Variants in ROBO2 observed in about 807,000 individuals in gnomAD.
ROBO2 encodes the protein roundabout homolog 2.
Under a neutral mutation model 160.8 loss-of-function variants are expected in ROBO2, and 53 were observed. The observed-to-expected ratio is 0.33, with a 90% confidence interval of 0.26 to 0.41. ROBO2 has a LOEUF of 0.41. Among genes scored for constraint, ROBO2 ranks in the 10% least tolerant of loss-of-function variants. ROBO2 has a pLI of 1.00. For synonymous variants in ROBO2, 664 were observed against 611.7 expected (o/e 1.09, Z -1.26); for missense variants, 1,577 against 1,722.4 (o/e 0.92, Z 1.49).
intron 2 of ROBO2, among the ~76,000 whole-genome samples, chr3:76,582,344 G>A (rs1444707709): frequency 6.6e-6 from 1 of 152,070 alleles, no homozygotes; most frequent in Admixed American, 6.6e-5. Flanking sequence ...ATGAAAGGAT[G>A]TATATTCAGG....
At chr3:76,867,034 A>G (rs780673879) in intron 2 of ROBO2, among the ~76,000 whole-genome samples, 12 of 152,170 alleles carry the variant, frequency 7.9e-5, no homozygotes, top group Non-Finnish European at 1.3e-4. Flanking sequence ...ATTTTAACTC[A>G]AAAGCATGAC....
chr3:75,988,694 C>T (rs1041171131), intron 2 of ROBO2, among the ~76,000 whole-genome samples: 1 of 151,900 alleles, frequency 6.6e-6, no homozygotes, highest in Non-Finnish European at 1.5e-5. Context: ...TTTTATTCAT[C>T]TCCAAGTATT....
intron 2 of ROBO2, among the ~76,000 whole-genome samples, chr3:77,233,848 G>A (rs2087565271): frequency 1.3e-5 from 2 of 152,074 alleles, no homozygotes; most frequent in Admixed American, 1.3e-4. Flanking sequence ...TGCTTCTAAT[G>A]TCTACATAAA....
At chr3:76,713,245 A>G (rs1195465311) in intron 2 of ROBO2, among the ~76,000 whole-genome samples, 1 of 152,184 alleles carries the variant, frequency 6.6e-6, no homozygotes, top group Non-Finnish European at 1.5e-5. Flanking sequence ...TCTTTATGCC[A>G]TTTTAAATTT....
intron 2 of ROBO2, among the ~76,000 whole-genome samples, chr3:76,670,067 A>G (rs2092205667): frequency 6.6e-6 from 1 of 152,324 alleles, no homozygotes; most frequent in Non-Finnish European, 1.5e-5. Context: ...TTGAAGCTAC[A>G]TGGTTTATGA....
chr3:76,885,949 G>A (rs2073839004), intron 2 of ROBO2, among the ~76,000 whole-genome samples: 1 of 152,104 alleles, frequency 6.6e-6, no homozygotes, highest in African/African-American at 2.4e-5. Context: ...GAGCGGGGGA[G>A]GGCAGGTTCA....
intron 2 of ROBO2, among the ~76,000 whole-genome samples, chr3:76,910,742 AAAG>A (rs200621158): frequency 0.011 from 1,302 of 122,818 alleles, 113 homozygotes; most frequent in African/African-American, 0.027. Flanking sequence ...AAAAAAAAAA[AAAG>A]AAAAAAAAAG....
At chr3:77,615,708 G>A (rs374148635) in intron 21 of ROBO2, among the ~76,000 whole-genome samples, 2 of 152,194 alleles carry the variant, frequency 1.3e-5, no homozygotes, top group African/African-American at 4.8e-5. Flanking sequence ...TTGCATGGAT[G>A]TAATGCAGTT....
intron 2 of ROBO2, among the ~76,000 whole-genome samples, chr3:76,745,741 AC>A (rs1190091004): frequency 6.6e-6 from 1 of 151,800 alleles, no homozygotes; most frequent in Non-Finnish European, 1.5e-5. Flanking sequence ...AGAATTCCTC[AC>A]TATCTCTGAG....
rs73841683 is a variant in ROBO2, at chr3:76,976,376, T to C, written c.110-121638T>C. Among the ~76,000 whole-genome samples the C allele has an allele frequency of 2.8e-3, 426 of 152,346 alleles. 2 individuals carry two copies. Among genetic ancestry groups the C allele is most frequent in the African/African-American group, 9.7e-3 (402 of 41,574 alleles). ...TTCACATAAGCCCACAGATGCTCAT[T>C]GTCATCAACGTAATTTTTGTTTGCT... On this transcript the variant is annotated intron_variant, in intron 2 of 26. Transcript: ENST00000487694.
intron 2 of ROBO2, among the ~76,000 whole-genome samples, chr3:76,088,046 A>G (rs1216808558): frequency 2.0e-5 from 3 of 152,128 alleles, no homozygotes; most frequent in Non-Finnish European, 4.4e-5. Context: ...ATACTATGCT[A>G]ACACTAATCA....
chr3:77,047,843 A>C (rs183084639), intron 1 of ROBO2, among the ~76,000 whole-genome samples: 1 of 151,818 alleles, frequency 6.6e-6, no homozygotes, highest in Non-Finnish European at 1.5e-5. Flanking sequence ...GGAGGTCGAG[A>C]CTATCCTGGC....
At chr3:77,481,204 G>C in exon 4 of ROBO2, 2 of 1,564,268 alleles carry the variant, frequency 1.3e-6, no homozygotes, top group Non-Finnish European at 1.7e-6. Context: ...TGACCCAGCA[G>C]AGCTGACTGT....
intron 2 of ROBO2, among the ~76,000 whole-genome samples, chr3:76,695,331 C>T (rs1199767512): frequency 1.3e-5 from 2 of 152,106 alleles, no homozygotes; most frequent in African/African-American, 4.8e-5. Context: ...TCAGGCAGAT[C>T]TGTCAGATAA....
At chr3:77,006,305 TTGTGTGTGTGTGTG>T (rs60754546) in intron 2 of ROBO2, among the ~76,000 whole-genome samples, 11 of 143,966 alleles carry the variant, frequency 7.6e-5, no homozygotes, top group Non-Finnish European at 1.4e-4. Flanking sequence ...ATTTTAATAT[TTGTGTGTGTGTGTG>T]TGTGTGTGTG....
At chr3:77,510,893 G>A (rs761592834) in intron 5 of ROBO2, among the ~76,000 whole-genome samples, 3 of 151,818 alleles carry the variant, frequency 2.0e-5, no homozygotes, top group Non-Finnish European at 4.4e-5. Flanking sequence ...TTCTTCCTCC[G>A]CCTTTACTCC....
At chr3:77,176,559 A>G (rs997115076) in intron 2 of ROBO2, among the ~76,000 whole-genome samples, 1 of 152,042 alleles carries the variant, frequency 6.6e-6, no homozygotes, top group Non-Finnish European at 1.5e-5. Flanking sequence ...TTCTAGAAGC[A>G]TATATCATTA....
chr3:77,320,642 A>G (rs1405508022), intron 2 of ROBO2, among the ~76,000 whole-genome samples: 2 of 152,122 alleles, frequency 1.3e-5, no homozygotes, highest in African/African-American at 2.4e-5. Flanking sequence ...TATGTTGGCC[A>G]AATATCTGAC....
intron 2 of ROBO2, among the ~76,000 whole-genome samples, chr3:76,988,516 A>C (rs1246681610): frequency 1.3e-5 from 2 of 152,152 alleles, no homozygotes; most frequent in African/African-American, 4.8e-5. Context: ...AGAAATGTAG[A>C]AGACAGTACT....
Sources: allele counts gnomAD v4.1 joint callset (sites outside exome capture counted in the v4.1 genomes callset), GRCh38; gene constraint gnomAD v4.1.1; transcripts MANE v1.5; gene names NCBI Gene and HGNC (gene_info 2026-07-23, HGNC 2026-07-21).